CDS1: variants seen among roughly 807,000 people sequenced by gnomAD.
CDS1 encodes the protein phosphatidate cytidylyltransferase 1.
Under a neutral mutation model 62.1 loss-of-function variants are expected in CDS1, and 41 were observed. The ratio of observed to expected loss-of-function variants is 0.66; its 90% CI spans 0.51 to 0.86. The LOEUF is 0.86. Ranked by LOEUF, CDS1 falls within the 40% of genes least tolerant of loss-of-function variation. The probability of loss-of-function intolerance (pLI) is 0.00; values close to 1 mark genes in which losing one functional copy is unlikely to be tolerated. For synonymous variants in CDS1, 185 were observed against 192.6 expected, an observed-to-expected ratio of 0.96 and a Z score of 0.32; for missense variants, 470 against 550.1, an observed-to-expected ratio of 0.85 and a Z score of 1.46.
intron 2 of CDS1, among the ~76,000 whole-genome samples, chr4:84,608,872 A>G (rs1468204272): frequency 6.6e-6 from 1 of 151,770 alleles, no homozygotes; most frequent in Non-Finnish European, 1.5e-5. Context: ...CCCCACTCAC[A>G]TTTAACAAAA....
intron 8 of CDS1, 102 bp from the exon 9 acceptor site, chr4:84,638,822 A>G: frequency 3.3e-6 from 1 of 306,952 alleles, no homozygotes; most frequent in Non-Finnish European, 5.9e-6. Context: ...GTAAGGAGAG[A>G]TGTACAAGTT....
chr4:84,624,215 A>G (rs1196115369), intron 5 of CDS1, among the ~76,000 whole-genome samples: 2 of 149,616 alleles, frequency 1.3e-5, no homozygotes, highest in Non-Finnish European at 3.0e-5. Context: ...CGGAACTTGC[A>G]GTGAGCCAAG....
chr4:84,587,866 AGAATAGATGGT>A (rs1435280530), intron 1 of CDS1, among the ~76,000 whole-genome samples: 3 of 151,940 alleles, frequency 2.0e-5, no homozygotes, highest in African/African-American at 7.2e-5. Flanking sequence ...GCCCTCAGAG[AGAATAGATGGT>A]GAATATTTCT....
intron 8 of CDS1, among the ~76,000 whole-genome samples, chr4:84,637,308 A>G (rs928236326): frequency 2.0e-5 from 3 of 152,078 alleles, no homozygotes; most frequent in African/African-American, 7.2e-5. Context: ...TCATTCTCAC[A>G]CTGCTATAAA....
intron 1 of CDS1, among the ~76,000 whole-genome samples, chr4:84,603,437 A>G (rs1186484573): frequency 6.6e-6 from 1 of 152,194 alleles, no homozygotes; most frequent in Non-Finnish European, 1.5e-5. Context: ...GTAGGGCCTG[A>G]GGCGGGAGAG....
intron 6 of CDS1, 38 bp downstream of exon 6, chr4:84,631,915 A>AT: frequency 1.4e-6 from 2 of 1,458,752 alleles, no homozygotes; most frequent in Non-Finnish European, 1.9e-6. Flanking sequence ...ATTATCTGTG[A>AT]TAAAAACCCT....
At chr4:84,615,611 C>T (rs776771743) in intron 3 of CDS1, among the ~76,000 whole-genome samples, 2 of 152,128 alleles carry the variant, frequency 1.3e-5, no homozygotes, top group Non-Finnish European at 2.9e-5. Context: ...GTGTGTCTGC[C>T]TCTACACACG....
intron 1 of CDS1, among the ~76,000 whole-genome samples, chr4:84,596,948 T>C (rs1466527523): frequency 2.0e-5 from 3 of 152,096 alleles, no homozygotes; most frequent in Non-Finnish European, 2.9e-5. Context: ...GAGCCTGGAG[T>C]GGCTGGGTGG....
At chr4:84,648,273 CT>C (rs1253820436) in intron 12 of CDS1, among the ~76,000 whole-genome samples, 1 of 152,136 alleles carries the variant, frequency 6.6e-6, no homozygotes, top group Admixed American at 6.6e-5. Flanking sequence ...CCACCTTTAA[CT>C]TTGGTTGCCC....
chr4:84,644,556 T>C (rs935214430), intron 11 of CDS1, among the ~76,000 whole-genome samples: 1 of 152,228 alleles, frequency 6.6e-6, no homozygotes, highest in African/African-American at 2.4e-5. Flanking sequence ...GTAGTTTAGA[T>C]ATTTTTAGGG....
chr4:84,629,885 A>T (rs1377792337), intron 5 of CDS1, among the ~76,000 whole-genome samples: 1 of 152,226 alleles, frequency 6.6e-6, no homozygotes, highest in East Asian at 1.9e-4. Flanking sequence ...TTATCATTTC[A>T]AGAAAGAGAA....
chr4:84,584,579 G>A (rs1355309800), intron 1 of CDS1, among the ~76,000 whole-genome samples: 1 of 152,164 alleles, frequency 6.6e-6, no homozygotes, highest in African/African-American at 2.4e-5. Context: ...GAGACTGGCT[G>A]GCAGTTCTGA....
At chr4:84,630,526 T>C (rs1723987318) in intron 5 of CDS1, among the ~76,000 whole-genome samples, 1 of 152,210 alleles carries the variant, frequency 6.6e-6, no homozygotes, top group South Asian at 2.1e-4. Context: ...GTAATACCCT[T>C]GTTTACTCTA....
intron 5 of CDS1, among the ~76,000 whole-genome samples, chr4:84,626,222 T>C (rs898189982): frequency 6.6e-6 from 1 of 152,148 alleles, no homozygotes; most frequent in African/African-American, 2.4e-5. Flanking sequence ...TACCACAGGC[T>C]GATCGTAGAA....
chr4:84,583,594 GT>G, intron 1 of CDS1, 76 bp downstream of exon 1: 2 of 827,690 alleles, frequency 2.4e-6, no homozygotes, highest in Non-Finnish European at 3.7e-6. Flanking sequence ...GAGAGCAAGG[GT>G]GGGGCCCGTC....
chr4:84,640,916 G>C lies in CDS1; in HGVS notation c.958G>C (p.Glu320Gln). 1.2e-6 allele frequency: 2 copies of C among 1,611,872 alleles called. No homozygotes were observed. The highest frequency in any genetic ancestry group is 3.4e-5 in the Admixed American group (2 of 59,406). Reference sequence around the variant, plus strand: ...AAGTGATGTAAACTCCTTCGTGACAGAATGTGAGCCCTCAGAACTTTTCCA... The same window carrying C: ...AAGTGATGTAAACTCCTTCGTGACACAATGTGAGCCCTCAGAACTTTTCCA... The part of the protein sequence containing the change: ...YRSDVNSFVT[E>Q]CEPSELFQLQ... Residue 320 changes from glutamate (E) to glutamine (Q), a missense_variant, in exon 10 of 13, where the codon GAA becomes CAA. By Grantham distance (29) the Glu-to-Gln change is conservative (BLOSUM62 2). This residue lies in a region of CDS1 where 214 missense variants were observed against 242.4 expected (regional missense o/e 0.88). Coordinates refer to ENST00000295887, the MANE Select transcript of CDS1 (RefSeq NM_001263.4).
chr4:84,597,638 A>G (rs1481026465), intron 1 of CDS1, among the ~76,000 whole-genome samples: 1 of 151,984 alleles, frequency 6.6e-6, no homozygotes, highest in African/African-American at 2.4e-5. Flanking sequence ...AAAAGAAACA[A>G]AACAGTGTTA....
chr4:84,602,374 G>A (rs1329684953), intron 1 of CDS1, among the ~76,000 whole-genome samples: 2 of 152,212 alleles, frequency 1.3e-5, no homozygotes, highest in African/African-American at 4.8e-5. Context: ...CTGCAAAGTG[G>A]ACTTTGAAGT....
At chr4:84,635,684 T>TCCCTCCCTCCC (rs1724180792) in intron 8 of CDS1, among the ~76,000 whole-genome samples, 1 of 83,598 alleles carries the variant, frequency 1.2e-5, no homozygotes, top group Non-Finnish European at 2.3e-5. Flanking sequence ...CCTTCCTTCC[T>TCCCTCCCTCCC]TCCTTCCCTC....
Sources: allele counts gnomAD v4.1 joint callset (sites outside exome capture counted in the v4.1 genomes callset), GRCh38; gene constraint gnomAD v4.1.1; regional missense constraint gnomAD v4.1.1; transcripts MANE v1.5; gene names NCBI Gene and HGNC (gene_info 2026-07-23, HGNC 2026-07-21).